The following ARF5 variants were observed in gnomAD, a reference collection of about 807,000 sequenced individuals.
ARF5 encodes ARF GTPase 5, also known as ADP-ribosylation factor 5.
In ARF5, 10 loss-of-function variants were observed where a neutral mutation model predicts 24.8. The observed-to-expected ratio is 0.40, with a 90% confidence interval of 0.25 to 0.68. The LOEUF (loss-of-function observed/expected upper bound fraction) is 0.68. Ranked by LOEUF, ARF5 falls within the 30% of genes least tolerant of loss-of-function variation. The pLI is 0.36. For synonymous variants in ARF5, 102 were observed against 95.1 expected (o/e 1.07, Z -0.42); for missense variants, 135 against 239.2 (o/e 0.56, Z 2.87).
At chr7:127,590,933 T>C in intron 4 of ARF5, 30 bp from the exon 5 acceptor site, 11 of 1,602,486 alleles carry the variant, frequency 6.9e-6, no homozygotes, top group Non-Finnish European at 9.4e-6. Flanking sequence ...AGACGCAGCC[T>C]GGGTCCCACC....
rs1319426086 is a variant in ARF5 at position 127,591,195 on chromosome 7, CT to C, written c.457-15del. ...TTTGTTCCTGGTTGCTGACCTCTTT[CT>C]TTCCTTTTCCCCACAGTGGTATGTC... On this transcript the variant is annotated splice_polypyrimidine_tract_variant and intron_variant, in intron 5 of 5. Transcript: ENST00000000233. 10 of 1,607,280 alleles carry C rather than the reference CT, an allele frequency of 6.2e-6. No homozygotes were observed. The highest frequency in any genetic ancestry group is 7.6e-6 in the Non-Finnish European group (9 of 1,177,990).
Position 127,591,040 on chromosome 7 carries a change from G to C in ARF5, c.408G>C (p.Val136=). 6.2e-7 allele frequency: 1 copy of C among 1,614,110 alleles called. No individual in the cohort carries two copies. The highest frequency in any genetic ancestry group is 1.1e-5 in the South Asian group (1 of 91,078). The change falls in exon 5 of 6, where the codon GTG becomes GTC. Residue 136 remains valine (V), a synonymous_variant. Coordinates refer to ENST00000000233, the MANE Select transcript of ARF5 (RefSeq NM_001662.4). ...NKQDMPNAMP[V]SELTDKLGLQ... Reference sequence around the variant, plus strand: ...AGGACATGCCCAACGCCATGCCCGTGAGCGAGCTGACTGACAAGCTGGGGC... The same window carrying C: ...AGGACATGCCCAACGCCATGCCCGTCAGCGAGCTGACTGACAAGCTGGGGC...
chr7:127,590,950 TCTC>T lies in ARF5; in HGVS notation c.331-9_331-7del, dbSNP rs766404908. The T allele has an allele frequency of 5.6e-6, 9 of 1,610,394 alleles. No homozygotes were observed. The highest frequency in any genetic ancestry group is 3.4e-5 in the Admixed American group (2 of 59,212). ...ACGCAGCCTGGGTCCCACCTTCTCTTCTCCTCTCTCAGCTGCAGGAGGACGAGC... is the reference window on the plus strand; with the variant it reads ...ACGCAGCCTGGGTCCCACCTTCTCTTCTCTCTCAGCTGCAGGAGGACGAGC... On this transcript the variant is annotated splice_polypyrimidine_tract_variant and intron_variant, in intron 4 of 5. Transcript: ENST00000000233.
rs190094600 is a variant in ARF5, at chr7:127,590,508, T to C, written c.330+371T>C. Among the ~76,000 whole-genome samples, 12 of 152,230 alleles carry C rather than the reference T, an allele frequency of 7.9e-5. No homozygotes were observed. The East Asian group carries it at 2.3e-3, about 29-fold the overall frequency. ...CTGCCATGCCCAGTTAATTTTTGTA[T>C]TTTTAGTAGAGACGGGGTTTCACCA... On this transcript the variant is annotated intron_variant, in intron 4 of 5. Coordinates refer to ENST00000000233, the MANE Select transcript of ARF5 (RefSeq NM_001662.4).
At chr7:127,589,624 C>A in intron 3 of ARF5, 30 bp downstream of exon 3, 1 of 1,550,808 alleles carries the variant, frequency 6.4e-7, no homozygotes, top group Non-Finnish European at 8.9e-7. Context: ...CTTTCTAACC[C>A]CACGGGAAAA....
chr7:127,591,593 T>A lies in ARF5; in HGVS notation c.*294T>A. Reference sequence around the variant, plus strand: ...GGATCTGGGTTTCCTTTTTTTTTTCTGTTTTGGGTGTACTCTAGGGGCCAG... The same window carrying A: ...GGATCTGGGTTTCCTTTTTTTTTTCAGTTTTGGGTGTACTCTAGGGGCCAG... On this transcript the variant is annotated 3_prime_UTR_variant, in exon 6 of 6. Coordinates refer to ENST00000000233, the MANE Select transcript of ARF5 (RefSeq NM_001662.4). 2.7e-6 allele frequency: 1 copy of A among 367,806 alleles called. No homozygotes were observed. The highest frequency in any genetic ancestry group is 4.9e-6 in the Non-Finnish European group (1 of 203,230). The allele number at this position is 367,806 out of a possible 1,614,324, so 22.8% of individuals were successfully genotyped here.
At chr7:127,589,830 A>G in intron 3 of ARF5, 1 of 608,416 alleles carries the variant, frequency 1.6e-6, no homozygotes, top group Non-Finnish European at 2.9e-6. Flanking sequence ...AGCCCTCATA[A>G]CATGTCTTTA....
chr7:127,589,795 AT>A, intron 3 of ARF5: 1 of 610,140 alleles, frequency 1.6e-6, no homozygotes, highest in African/African-American at 1.8e-5. Context: ...TAGAAGCAGG[AT>A]TCTGGGACCA....
chr7:127,590,172 G>T (rs544463128), intron 4 of ARF5, 35 bp downstream of exon 4: 1 of 1,571,696 alleles, frequency 6.4e-7, no homozygotes, highest in East Asian at 2.2e-5. Context: ...TGAGCCCTCA[G>T]CTTGGGGACA....
chr7:127,588,735 C>T (rs955396579), intron 1 of ARF5, 170 bp downstream of exon 1: 15 of 697,942 alleles, frequency 2.1e-5, no homozygotes, highest in Admixed American at 3.8e-5. Context: ...ATCGCCGACC[C>T]CGGGGCCTGA....
chr7:127,589,289 G>C (rs1794249686), intron 2 of ARF5, 126 bp downstream of exon 2: 5 of 1,246,514 alleles, frequency 4.0e-6, no homozygotes, highest in Non-Finnish European at 4.6e-6. Context: ...AAGTGGGTCA[G>C]GGTATCTCTA....
rs1794259795 is a variant in ARF5 at position 127,589,972 on chromosome 7, C to G, written c.259-94C>G. 4 of 1,112,486 alleles carry G rather than the reference C, an allele frequency of 3.6e-6. No homozygotes were observed. The South Asian group carries it at 3.8e-5, about 10-fold the overall frequency. 68.9% of individuals were successfully genotyped at this position (1,112,486 alleles called of 1,614,324 possible). A position where few individuals can be genotyped will look rare whatever the true frequency, so the allele number is the denominator to read the frequency against. ...GTTTACTAGATGAGAAGGATTGACA[C>G]AATTACAAATGGGAAGAAAACAGAA... On this transcript the variant is annotated intron_variant, in intron 3 of 5. Coordinates refer to ENST00000000233, the MANE Select transcript of ARF5 (RefSeq NM_001662.4).
At position 127,589,635 on chromosome 7, in the gene ARF5, G is replaced by A. The variant is rs748197231; in HGVS notation, c.258+41G>A. On this transcript the variant is annotated intron_variant, in intron 3 of 5. Transcript: ENST00000000233. ...GGGACTTTCTAACCCCACGGGAAAA[G>A]GTGTTAGGGCTGGGAGAACAGAATT... is the stretch of plus-strand genomic sequence containing the variant. The A allele has an allele frequency of 3.3e-6, 5 of 1,501,854 alleles. No homozygotes were observed. In the South Asian group the frequency reaches 5.7e-5, roughly 17 times the overall value. The allele number at this position is 1,501,854 out of a possible 1,614,324, so 93.0% of individuals were successfully genotyped here. A position where few individuals can be genotyped will look rare whatever the true frequency, so the allele number is the denominator to read the frequency against.
chr7:127,588,427 C>T lies in ARF5; in HGVS notation c.-72C>T. On this transcript the variant is annotated 5_prime_UTR_variant, in exon 1 of 6. Transcript: ENST00000000233. ...AGCCTCCTCCTGCTGCTGCTGCGCCCCATCCCCCCGCGGCCGGCCAGTTCC... is the reference window on the plus strand; with the variant it reads ...AGCCTCCTCCTGCTGCTGCTGCGCCTCATCCCCCCGCGGCCGGCCAGTTCC... 9.9e-7 allele frequency: 1 copy of T among 1,013,226 alleles called. No individual in the cohort carries two copies. Among genetic ancestry groups the T allele is most frequent in the Non-Finnish European group, 1.3e-6 (1 of 772,392 alleles). 62.8% of individuals were successfully genotyped at this position (1,013,226 alleles called of 1,614,324 possible).
rs1183645715 is a variant in ARF5 at position 127,588,431 on chromosome 7, C to A, written c.-68C>A. On this transcript the variant is annotated 5_prime_UTR_variant, in exon 1 of 6. Coordinates refer to ENST00000000233, the MANE Select transcript of ARF5 (RefSeq NM_001662.4). ...TCCTCCTGCTGCTGCTGCGCCCCAT[C>A]CCCCCGCGGCCGGCCAGTTCCAGCC... 7 of 1,041,124 alleles carry A rather than the reference C, an allele frequency of 6.7e-6. No individual in the cohort carries two copies. In the Admixed American group the frequency reaches 1.3e-4, roughly 19 times the overall value. The allele number at this position is 1,041,124 out of a possible 1,614,324, so 64.5% of individuals were successfully genotyped here. A position where few individuals can be genotyped will look rare whatever the true frequency, so the allele number is the denominator to read the frequency against.
chr7:127,589,307 A>C lies in ARF5; in HGVS notation c.148+144A>C, dbSNP rs1373158154. 15 of 1,134,454 alleles carry C rather than the reference A, an allele frequency of 1.3e-5. No homozygotes were observed. The Admixed American group carries it at 3.1e-4, about 23-fold the overall frequency. 70.3% of individuals were successfully genotyped at this position (1,134,454 alleles called of 1,614,324 possible). On this transcript the variant is annotated intron_variant, in intron 2 of 5. Transcript: ENST00000000233. ...TGGGTCAGGGTATCTCTACGTGGATACCGGAGGCAGGGTGGATGTGACCTA... is the reference window on the plus strand; with the variant it reads ...TGGGTCAGGGTATCTCTACGTGGATCCCGGAGGCAGGGTGGATGTGACCTA...
rs1794289809 is a variant in ARF5 at position 127,591,632 on chromosome 7, A to T, written c.*333A>T. 1 of 317,002 alleles carries T rather than the reference A, an allele frequency of 3.2e-6. No individual in the cohort carries two copies. Among genetic ancestry groups the T allele is most frequent in the Non-Finnish European group, 5.9e-6 (1 of 170,310 alleles). The allele number at this position is 317,002 out of a possible 1,614,324, so 19.6% of individuals were successfully genotyped here. The stretch of plus-strand genomic sequence containing the variant: ...TCTAGGGGCCAGGTTGGGAGGGGGA[A>T]GGTGAGGGCTTCGGGTGGTGCTATA... On this transcript the variant is annotated 3_prime_UTR_variant, in exon 6 of 6. Coordinates refer to ENST00000000233, the MANE Select transcript of ARF5 (RefSeq NM_001662.4).
chr7:127,590,581 T>A (rs1282069868), intron 4 of ARF5, among the ~76,000 whole-genome samples: 1 of 152,138 alleles, frequency 6.6e-6, no homozygotes, highest in Non-Finnish European at 1.5e-5. Flanking sequence ...GATCCACCCG[T>A]CTTGGTCTCC....
At position 127,591,390 on chromosome 7, in the gene ARF5, C is replaced by T. The variant is rs988085733; in HGVS notation, c.*91C>T. On this transcript the variant is annotated 3_prime_UTR_variant, in exon 6 of 6. Coordinates refer to ENST00000000233, the MANE Select transcript of ARF5 (RefSeq NM_001662.4). ...CGGACTCCTCAGGCAGTGCCCTTTC[C>T]TCCCACTTTTCCTCCCCCATAGCCA... 1 of 1,182,042 alleles carries T rather than the reference C, an allele frequency of 8.5e-7. No individual in the cohort carries two copies. Among genetic ancestry groups the T allele is most frequent in the South Asian group, 1.6e-5 (1 of 62,626 alleles). 73.2% of individuals were successfully genotyped at this position (1,182,042 alleles called of 1,614,324 possible).
Sources: allele counts gnomAD v4.1 joint callset (sites outside exome capture counted in the v4.1 genomes callset), GRCh38; gene constraint gnomAD v4.1.1; transcripts MANE v1.5; gene names NCBI Gene and HGNC (gene_info 2026-07-23, HGNC 2026-07-21).